The following ZZEF1 variants were observed in gnomAD, a reference collection of about 807,000 sequenced individuals.
ZZEF1 encodes zinc finger ZZ-type and EF-hand domain containing 1, also known as zinc finger ZZ-type and EF-hand domain-containing protein 1.
Under a neutral mutation model 342.8 loss-of-function variants are expected in ZZEF1, and 157 were observed. The observed-to-expected ratio is 0.46, with a 90% CI of 0.40 to 0.52. ZZEF1 has a LOEUF of 0.52. Among genes scored for constraint, ZZEF1 ranks in the 20% least tolerant of loss-of-function variants. The pLI is 0.00. For missense variants in ZZEF1, 3,480 were observed against 3,725.6 expected (o/e 0.93, Z 1.72); for synonymous variants, 1,505 against 1,429.1 (o/e 1.05, Z -1.20).
Position 4,025,101 on chromosome 17 carries a change from C to T in ZZEF1, c.6910G>A (p.Val2304Ile). ...KRKTVKDYQLVQKGGGQECGD... is the reference protein window; with the variant it reads ...KRKTVKDYQLIQKGGGQECGD... ...CACTCTTGTCCTCCTCCCTTCTGGA[C>T]CAGCTGGTAGTCCTTCACTGAAGGG... Residue 2304 changes from valine (V) to isoleucine (I), a missense_variant, in exon 43 of 55, where the codon GTC becomes ATC. Physicochemically the swap from Val to Ile is conservative, Grantham distance 29 (BLOSUM62 3). Transcript: ENST00000381638. 6.2e-7 allele frequency: 1 copy of T among 1,614,088 alleles called. No individual in the cohort carries two copies. Among genetic ancestry groups the T allele is most frequent in the Non-Finnish European group, 8.5e-7 (1 of 1,180,010 alleles).
chr17:4,096,005 C>T (rs1242384923), intron 10 of ZZEF1, 26 bp from the exon 11 acceptor site: 1 of 1,578,856 alleles, frequency 6.3e-7, no homozygotes, highest in East Asian at 2.3e-5. Context: ...AGGATGAAGT[C>T]TATCAAAGGG....
At chr17:4,037,196 A>G (rs1335657252) in intron 39 of ZZEF1, among the ~76,000 whole-genome samples, 3 of 152,262 alleles carry the variant, frequency 2.0e-5, no homozygotes, top group African/African-American at 7.2e-5. Context: ...GGATATTTAC[A>G]TAGTTTCAAA....
Position 4,056,067 on chromosome 17 carries a change from G to A in ZZEF1, c.5295+149C>T, listed in dbSNP as rs1346691937. 9 of 717,458 alleles carry A rather than the reference G, an allele frequency of 1.3e-5. 1 individual carries two copies. The highest frequency in any genetic ancestry group is 7.9e-5 in the South Asian group (2 of 25,316). The allele number at this position is 717,458 out of a possible 1,614,324, so 44.4% of individuals were successfully genotyped here. On this transcript the variant is annotated intron_variant, in intron 33 of 54. Coordinates refer to ENST00000381638, the MANE Select transcript of ZZEF1 (RefSeq NM_015113.4). ...TGCTGCTCACAGCCTGCATTCGGTC[G>A]CATTCAGCGGTTGGGGACCCCTTCA...
rs1270026369 is a variant in ZZEF1, at chr17:4,014,839, T to C, written c.8146-324A>G. ...GGTGGACCTGAGTGCATGGGGTGCA[T>C]TTCAGACAGGGTAACAGCCCTGTGA... On this transcript the variant is annotated intron_variant, in intron 49 of 54. Transcript: ENST00000381638. The surrounding 1 kb of genome is among the most constrained non-coding windows in gnomAD (Gnocchi z 4.4). 6.6e-6 allele frequency among the ~76,000 whole-genome samples: 1 copy of C among 152,040 alleles called. No homozygotes were observed. Among genetic ancestry groups the C allele is most frequent in the African/African-American group, 2.4e-5 (1 of 41,406 alleles).
chr17:4,084,774 G>T (rs536349661), intron 16 of ZZEF1, among the ~76,000 whole-genome samples: 1 of 152,144 alleles, frequency 6.6e-6, no homozygotes, highest in Non-Finnish European at 1.5e-5. Context: ...TGAGGAACAC[G>T]AAGAAGTGGT....
chr17:4,096,539 CTACT>C, intron 10 of ZZEF1, 66 bp downstream of exon 10: 1 of 1,284,110 alleles, frequency 7.8e-7, no homozygotes, highest in Non-Finnish European at 1.1e-6. Flanking sequence ...ATATATATAC[CTACT>C]ATGTACCCAT....
chr17:4,092,278 T>C (rs72827365), intron 11 of ZZEF1, among the ~76,000 whole-genome samples: 1,781 of 146,016 alleles, frequency 0.012, 29 homozygotes, highest in Non-Finnish European at 0.017. Context: ...GTAGGTTCTG[T>C]AACAGAGAGA....
In ZZEF1 at chr17:4,008,771, C is replaced by G; in HGVS notation, c.8805+112G>C. ...ACTGGAACAAGCTCTGTGTAAGCTC[C>G]GGGTGGATTCTGTCCTACTCAGACG... is the stretch of plus-strand genomic sequence containing the variant. On this transcript the variant is annotated intron_variant, in intron 54 of 54. Transcript: ENST00000381638. This position sits in a 1 kb window ranked among gnomAD's most constrained non-coding sequence, Gnocchi z 4.2. 1.0e-5 allele frequency: 15 copies of G among 1,468,682 alleles called. No homozygotes were observed. Among genetic ancestry groups the G allele is most frequent in the Non-Finnish European group, 1.4e-5 (15 of 1,106,870 alleles). 91.0% of individuals were successfully genotyped at this position (1,468,682 alleles called of 1,614,324 possible).
intron 1 of ZZEF1, among the ~76,000 whole-genome samples, chr17:4,129,141 A>G (rs1056722603): frequency 1.3e-5 from 2 of 152,210 alleles, no homozygotes; most frequent in African/African-American, 4.8e-5. Flanking sequence ...TTTAAAGTGT[A>G]TAATTCAGTA....
chr17:4,019,439 A>G (rs1372416767), intron 46 of ZZEF1, among the ~76,000 whole-genome samples: 1 of 152,200 alleles, frequency 6.6e-6, no homozygotes, highest in Non-Finnish European at 1.5e-5. Flanking sequence ...TTCCTCTCAG[A>G]GGCCGACTAC....
intron 37 of ZZEF1, among the ~76,000 whole-genome samples, chr17:4,047,345 G>A (rs1707525318): frequency 6.6e-6 from 1 of 152,204 alleles, no homozygotes; most frequent in Non-Finnish European, 1.5e-5. Context: ...GACAATTTGA[G>A]CATCAAAATA....
At position 4,062,863 on chromosome 17, in the gene ZZEF1, G is replaced by T; in HGVS notation, c.4773C>A (p.Val1591=). ...CTGCACAGTGCTGAGTTATCTTCAG[G>T]ACTTCCAGGATGCTCTGGGCCTGGG... ...RKAQAQSILE[V]LKITQHCAES... is the part of the protein sequence containing the mutation. Residue 1591 remains valine, a synonymous_variant, in exon 30 of 55, where the codon GTC becomes GTA. Coordinates refer to ENST00000381638, the MANE Select transcript of ZZEF1 (RefSeq NM_015113.4). The T allele has an allele frequency of 6.2e-7, 1 of 1,613,352 alleles. No individual in the cohort carries two copies. The highest frequency in any genetic ancestry group is 8.5e-7 in the Non-Finnish European group (1 of 1,179,730).
chr17:4,126,221 G>A (rs945225938), intron 1 of ZZEF1, among the ~76,000 whole-genome samples: 62 of 62,270 alleles, frequency 1.0e-3, no homozygotes, highest in Middle Eastern at 0.013. Flanking sequence ...GCAAGACTCC[G>A]TCTCAAAAAA....
intron 30 of ZZEF1, 83 bp downstream of exon 30, chr17:4,062,667 ATGC>A: frequency 7.2e-7 from 1 of 1,381,012 alleles, no homozygotes; most frequent in Admixed American, 2.4e-5. Flanking sequence ...CATAGAAATG[ATGC>A]TGCTATTAAT....
Position 4,014,050 on chromosome 17 carries a change from G to A in ZZEF1, c.8413+40C>T. The A allele has an allele frequency of 6.3e-7, 1 of 1,581,184 alleles. No homozygotes were observed. Among genetic ancestry groups the A allele is most frequent in the Non-Finnish European group, 8.7e-7 (1 of 1,150,776 alleles). On this transcript the variant is annotated intron_variant, in intron 51 of 54. Coordinates refer to ENST00000381638, the MANE Select transcript of ZZEF1 (RefSeq NM_015113.4). This position sits in a 1 kb window ranked among gnomAD's most constrained non-coding sequence, Gnocchi z 4.4. ...GCACCCACAGCCATGGAGTGTCCCT[G>A]GCAGGCAGATGGTGTGAACGCAAAG... is the stretch of plus-strand genomic sequence containing the variant.
At chr17:4,076,553 T>C in intron 21 of ZZEF1, 84 bp downstream of exon 21, 1 of 1,523,036 alleles carries the variant, frequency 6.6e-7, no homozygotes, top group South Asian at 1.2e-5. Context: ...TGTGCCTATC[T>C]GCAGTCCGTG....
chr17:4,137,891 G>A (rs1171777158), intron 1 of ZZEF1, among the ~76,000 whole-genome samples: 1 of 152,256 alleles, frequency 6.6e-6, no homozygotes, highest in Admixed American at 6.5e-5. Context: ...GTGCTGACCA[G>A]GTGACAGTGC....
intron 9 of ZZEF1, among the ~76,000 whole-genome samples, chr17:4,098,267 C>T (rs528434422): frequency 6.9e-6 from 1 of 145,932 alleles, no homozygotes; most frequent in South Asian, 2.2e-4. Context: ...AAAAAATCAG[C>T]TGGGCACGGT....
chr17:4,117,671 ATTAAT>A (rs930838773), intron 2 of ZZEF1, among the ~76,000 whole-genome samples: 4 of 149,702 alleles, frequency 2.7e-5, no homozygotes, highest in African/African-American at 9.8e-5. Flanking sequence ...AAAAAAAAGA[ATTAAT>A]TTAATTTTAG....
Sources: allele counts gnomAD v4.1 joint callset (sites outside exome capture counted in the v4.1 genomes callset), GRCh38; gene constraint gnomAD v4.1.1; non-coding constraint Gnocchi (gnomAD v3.1); transcripts MANE v1.5; gene names NCBI Gene and HGNC (gene_info 2026-07-23, HGNC 2026-07-21).